ARHGAP42: variants seen among roughly 807,000 people sequenced by gnomAD.
ARHGAP42 encodes Rho GTPase activating protein 42.
Under a neutral mutation model 125.0 loss-of-function variants are expected in ARHGAP42, and 63 were observed. The ratio of observed to expected loss-of-function variants is 0.50; its 90% CI spans 0.41 to 0.62. ARHGAP42 has a LOEUF of 0.62. Among genes scored for constraint, ARHGAP42 ranks in the 20% least tolerant of loss-of-function variants. The pLI, the probability that ARHGAP42 is intolerant of heterozygous loss-of-function variation, is 0.00. For synonymous variants in ARHGAP42, 339 were observed against 351.0 expected (o/e 0.97, Z 0.38); for missense variants, 766 against 1,024.2 (o/e 0.75, Z 3.44).
intron 1 of ARHGAP42, among the ~76,000 whole-genome samples, chr11:100,746,298 C>T (rs1862302972): frequency 6.6e-6 from 1 of 152,118 alleles, no homozygotes; most frequent in African/African-American, 2.4e-5. Context: ...GCTGGATGGC[C>T]CTCGGGGTCT....
rs1857980004 is a variant in ARHGAP42, at chr11:100,962,425, C to T, written c.1402C>T (p.Leu468=). 1 of 1,551,002 alleles carries T rather than the reference C, an allele frequency of 6.4e-7. No individual in the cohort carries two copies. Among genetic ancestry groups the T allele is most frequent in the African/African-American group, 1.4e-5 (1 of 73,036 alleles). The change falls in exon 16 of 24, where the codon CTG becomes TTG. Residue 468 remains leucine, a synonymous_variant. Coordinates refer to ENST00000298815, the MANE Select transcript of ARHGAP42 (RefSeq NM_152432.4). The part of the protein sequence containing the change: ...KNYLRCLAEP[L]MTYKLHKDFI... Reference sequence around the variant, plus strand: ...CTGTTGTAGGTGCCTTGCAGAACCACTGATGACTTACAAGTTGCACAAAGA... The same window carrying T: ...CTGTTGTAGGTGCCTTGCAGAACCATTGATGACTTACAAGTTGCACAAAGA...
chr11:100,911,027 G>GCT (rs1866898247), intron 4 of ARHGAP42, among the ~76,000 whole-genome samples: 1 of 152,178 alleles, frequency 6.6e-6, no homozygotes, highest in Non-Finnish European at 1.5e-5. Flanking sequence ...TGTCACCACA[G>GCT]CTGTGCACTC....
At chr11:100,899,948 TATG>T (rs1866493941) in intron 4 of ARHGAP42, among the ~76,000 whole-genome samples, 1 of 152,170 alleles carries the variant, frequency 6.6e-6, no homozygotes, top group African/African-American at 2.4e-5. Context: ...ATCCTGTCAT[TATG>T]ATGTTAGCTG....
Position 100,828,800 on chromosome 11 carries a change from G to A in ARHGAP42, c.313-30754G>A, listed in dbSNP as rs546701823. On this transcript the variant is annotated intron_variant, in intron 3 of 23. Transcript: ENST00000298815. ...ACACCTGTGCTCAAGTGATCCTCCC[G>A]CCTTGGCCTCCCAAAGTGCTGTGAT... Among the ~76,000 whole-genome samples the A allele has an allele frequency of 5.9e-5, 9 of 151,434 alleles. No individual in the cohort carries two copies. The South Asian group carries it at 8.4e-4, about 14-fold the overall frequency.
chr11:100,877,538 T>C (rs1865849341), intron 4 of ARHGAP42, among the ~76,000 whole-genome samples: 1 of 152,244 alleles, frequency 6.6e-6, no homozygotes, highest in African/African-American at 2.4e-5. Context: ...TCATGTCTTC[T>C]GTAAAATTCC....
intron 1 of ARHGAP42, among the ~76,000 whole-genome samples, chr11:100,742,119 C>T (rs901595246): frequency 1.3e-5 from 2 of 152,176 alleles, no homozygotes; most frequent in African/African-American, 4.8e-5. Context: ...CACTGTGGAT[C>T]AAATACTGCC....
chr11:100,886,152 C>A (rs975756134), intron 4 of ARHGAP42, among the ~76,000 whole-genome samples: 14 of 152,180 alleles, frequency 9.2e-5, no homozygotes, highest in Non-Finnish European at 1.5e-5. Context: ...TCATAGCTAT[C>A]TCTTTAGATT....
intron 1 of ARHGAP42, among the ~76,000 whole-genome samples, chr11:100,750,443 C>T (rs1373583544): frequency 6.8e-6 from 1 of 147,962 alleles, no homozygotes; most frequent in Admixed American, 6.8e-5. Context: ...AGCAGGAAAT[C>T]GGAATGAGTC....
chr11:100,714,887 A>C (rs1366529506), intron 1 of ARHGAP42, among the ~76,000 whole-genome samples: 1 of 151,898 alleles, frequency 6.6e-6, no homozygotes, highest in Non-Finnish European at 1.5e-5. Context: ...CTCTACAAAA[A>C]CAATACAAAA....
chr11:100,787,369 G>A (rs1591181238), intron 2 of ARHGAP42, among the ~76,000 whole-genome samples: 2 of 152,026 alleles, frequency 1.3e-5, no homozygotes, highest in African/African-American at 4.8e-5. Flanking sequence ...CTTTCGCCAC[G>A]ATTGTAAGTT....
intron 12 of ARHGAP42, among the ~76,000 whole-genome samples, chr11:100,952,585 C>G (rs1857687532): frequency 6.6e-6 from 1 of 152,062 alleles, no homozygotes; most frequent in Admixed American, 6.6e-5. Context: ...AACAGAATCA[C>G]TACCCTGTTG....
intron 1 of ARHGAP42, among the ~76,000 whole-genome samples, chr11:100,756,151 T>TAAGACAGGAGGATGGCTTGAGGCC (rs1207251312): frequency 7.7e-6 from 1 of 130,450 alleles, no homozygotes; most frequent in Non-Finnish European, 1.5e-5. Flanking sequence ...TTTGGGAGGC[T>TAAGACAGGAGGATGGCTTGAGGCC]AAGACAGGAG....
chr11:100,782,168 T>C (rs780276414), intron 2 of ARHGAP42, among the ~76,000 whole-genome samples: 1 of 152,176 alleles, frequency 6.6e-6, no homozygotes, highest in Non-Finnish European at 1.5e-5. Flanking sequence ...CTTTGCTATG[T>C]AGTCTGGAGT....
chr11:100,747,673 C>T (rs1018924843), intron 1 of ARHGAP42, among the ~76,000 whole-genome samples: 8 of 152,138 alleles, frequency 5.3e-5, no homozygotes, highest in African/African-American at 1.7e-4. Context: ...AGGTAAAAAT[C>T]CACATTCTTT....
intron 10 of ARHGAP42, 126 bp downstream of exon 10, chr11:100,943,994 A>T: frequency 1.6e-6 from 1 of 613,342 alleles, no homozygotes; most frequent in Non-Finnish European, 2.7e-6. Context: ...ATACATGTTT[A>T]TCTCTTTCTT....
intron 3 of ARHGAP42, among the ~76,000 whole-genome samples, chr11:100,846,900 A>G (rs1452597280): frequency 6.6e-6 from 1 of 152,174 alleles, no homozygotes; most frequent in South Asian, 2.1e-4. Context: ...GCTAGAATTT[A>G]TAAGTCGTGT....
At chr11:100,968,837 T>C (rs1239093655) in intron 17 of ARHGAP42, among the ~76,000 whole-genome samples, 1 of 152,156 alleles carries the variant, frequency 6.6e-6, no homozygotes, top group Non-Finnish European at 1.5e-5. Context: ...AATACATACA[T>C]ATTATTAAAA....
chr11:100,692,832 C>A (rs567874334), intron 1 of ARHGAP42, among the ~76,000 whole-genome samples: 26 of 152,154 alleles, frequency 1.7e-4, no homozygotes, highest in Non-Finnish European at 3.7e-4. Context: ...TGAAGGAAAA[C>A]CCTAAGTGCA....
At chr11:100,932,484 A>G (rs1455696877) in intron 6 of ARHGAP42, among the ~76,000 whole-genome samples, 3 of 152,118 alleles carry the variant, frequency 2.0e-5, no homozygotes, top group Non-Finnish European at 4.4e-5. Flanking sequence ...GTCTTAATTT[A>G]TGGATAAAAA....
Sources: gnomAD v4.1 joint callset for allele counts (sites outside exome capture counted in the v4.1 genomes callset) on GRCh38, gnomAD v4.1.1 for gene constraint, MANE v1.5 for transcripts, NCBI Gene and HGNC (gene_info 2026-07-23, HGNC 2026-07-21) for gene names.